SETBP1: variants seen among roughly 807,000 people sequenced by gnomAD.
SETBP1 encodes SET-binding protein.
SETBP1 carries 9 observed loss-of-function variants against 101.0 expected under a neutral mutation model. The observed-to-expected ratio is 0.09, with a 90% CI of 0.05 to 0.16. The LOEUF (loss-of-function observed/expected upper bound fraction) is 0.16. Ranked by LOEUF, SETBP1 falls within the 10% of genes least tolerant of loss-of-function variation. The pLI is 1.00. For missense variants in SETBP1, 1,858 were observed against 2,033.8 expected, an observed-to-expected ratio of 0.91 and a Z score of 1.66; for synonymous variants, 818 against 788.5, an observed-to-expected ratio of 1.04 and a Z score of -0.63.
At chr18:44,998,343 T>A (rs1462390514) in intron 4 of SETBP1, among the ~76,000 whole-genome samples, 2 of 152,228 alleles carry the variant, frequency 1.3e-5, no homozygotes, top group Non-Finnish European at 2.9e-5. Context: ...GCCCCATACT[T>A]GACTCTGTGG....
chr18:44,912,316 T>C (rs1471524490), intron 3 of SETBP1, among the ~76,000 whole-genome samples: 1 of 152,206 alleles, frequency 6.6e-6, no homozygotes, highest in Non-Finnish European at 1.5e-5. Context: ...CTCCTAGAAC[T>C]TGTAGCAATA....
At chr18:44,884,754 G>A (rs527463613) in intron 3 of SETBP1, among the ~76,000 whole-genome samples, 1 of 152,212 alleles carries the variant, frequency 6.6e-6, no homozygotes, top group African/African-American at 2.4e-5. Context: ...TATTCTACTG[G>A]ACCCTGCTGG....
At chr18:44,682,752 T>C in intron 1 of SETBP1, among the ~76,000 whole-genome samples, 1 of 152,190 alleles carries the variant, frequency 6.6e-6, no homozygotes, top group Non-Finnish European at 1.5e-5. Context: ...GGAGACCAGG[T>C]ACCCAGAGTG....
Position 44,949,805 on chromosome 18 carries a change from T to G in SETBP1, c.541-76T>G, listed in dbSNP as rs1014848658. 7 of 1,173,740 alleles carry G rather than the reference T, an allele frequency of 6.0e-6. No individual in the cohort carries two copies. The African/African-American group carries it at 1.1e-4, about 18-fold the overall frequency. 72.7% of individuals were successfully genotyped at this position (1,173,740 alleles called of 1,614,324 possible). A position where few individuals can be genotyped will look rare whatever the true frequency, so the allele number is the denominator to read the frequency against. On this transcript the variant is annotated intron_variant, in intron 3 of 5. Coordinates refer to ENST00000649279, the MANE Select transcript of SETBP1 (RefSeq NM_015559.3). The stretch of plus-strand genomic sequence containing the variant: ...GATCATTGAGACTTTTGATGTCAAA[T>G]ATTAAGTAGCTTCAACATGCTCATC...
chr18:44,952,981 A>G lies in SETBP1; in HGVS notation c.3641A>G (p.His1214Arg), dbSNP rs1277828860. Residue 1214 changes from histidine to arginine, a missense_variant, in exon 4 of 6, where the codon CAC becomes CGC. Physicochemically the swap from His to Arg is conservative, Grantham distance 29. This residue lies in a region of SETBP1 where 417 missense variants were observed against 389.1 expected (regional missense o/e 1.07). Coordinates refer to ENST00000649279, the MANE Select transcript of SETBP1 (RefSeq NM_015559.3). The part of the protein sequence containing the change: ...NKHKEKQKHQ[H>R]SEAGHKASKN... ...CATAAGGAGAAACAGAAGCACCAGC[A>G]CAGCGAAGCCGGCCACAAAGCTTCT... 18 of 1,614,192 alleles carry G rather than the reference A, an allele frequency of 1.1e-5. No individual in the cohort carries two copies. Among genetic ancestry groups the G allele is most frequent in the Non-Finnish European group, 1.5e-5 (18 of 1,180,022 alleles).
intron 4 of SETBP1, among the ~76,000 whole-genome samples, chr18:45,018,289 G>T (rs2072990894): frequency 6.6e-6 from 1 of 152,148 alleles, no homozygotes; most frequent in Admixed American, 6.5e-5. Context: ...TTATAGACTT[G>T]TAAAACATTC....
chr18:44,701,694 C>A lies in SETBP1; in HGVS notation c.348C>A (p.Pro116=). ...KIQTTKRAKK[P]PKNLENYICP... is the part of the protein sequence containing the mutation. ...AGACCACAAAGCGGGCTAAGAAACC[C>A]CCAAAGAATTTGGAGAACTATATAT... is the stretch of plus-strand genomic sequence containing the variant. The change falls in exon 2 of 6, where the codon CCC becomes CCA. Residue 116 remains proline, a synonymous_variant. Coordinates refer to ENST00000649279, the MANE Select transcript of SETBP1 (RefSeq NM_015559.3). 1 of 1,614,108 alleles carries A rather than the reference C, an allele frequency of 6.2e-7. No individual in the cohort carries two copies. The highest frequency in any genetic ancestry group is 8.5e-7 in the Non-Finnish European group (1 of 1,180,020).
At chr18:45,045,297 C>A (rs1354677208) in intron 5 of SETBP1, among the ~76,000 whole-genome samples, 1 of 152,092 alleles carries the variant, frequency 6.6e-6, no homozygotes, top group Non-Finnish European at 1.5e-5. Context: ...TGGCGGGCAC[C>A]TATAATACCA....
intron 2 of SETBP1, among the ~76,000 whole-genome samples, chr18:44,819,382 A>G (rs771093888): frequency 3.7e-4 from 57 of 152,136 alleles, no homozygotes; most frequent in Admixed American, 1.4e-3. Flanking sequence ...CTCCCTCTGT[A>G]TATCACTGGA....
intron 3 of SETBP1, among the ~76,000 whole-genome samples, chr18:44,922,147 G>T (rs1313227050): frequency 1.1e-4 from 17 of 152,292 alleles, no homozygotes; most frequent in Non-Finnish European, 1.5e-5. Flanking sequence ...TATTCTCCAA[G>T]TGCTTATAGA....
At chr18:44,712,775 T>G (rs895465397) in intron 2 of SETBP1, among the ~76,000 whole-genome samples, 25 of 151,976 alleles carry the variant, frequency 1.6e-4, no homozygotes, top group African/African-American at 5.6e-4. Flanking sequence ...AATGAGAAGT[T>G]GAATTCATTG....
intron 4 of SETBP1, among the ~76,000 whole-genome samples, chr18:45,016,030 C>T (rs1398717655): frequency 6.6e-6 from 1 of 152,122 alleles, no homozygotes; most frequent in Non-Finnish European, 1.5e-5. Flanking sequence ...CCTTCCTAAA[C>T]AGACAATCCA....
In SETBP1 at chr18:44,971,444, T is replaced by A. The variant is rs1412445141; in HGVS notation, c.4000+18104T>A. Among the ~76,000 whole-genome samples the A allele has an allele frequency of 2.0e-5, 3 of 152,194 alleles. No homozygotes were observed. In the East Asian group the frequency reaches 5.8e-4, roughly 29 times the overall value. Reference sequence around the variant, plus strand: ...TTTCTAGTTCTAGATCCCTGAGGAATCGCCACACCGACTTCCACAATGGTT... The same window carrying A: ...TTTCTAGTTCTAGATCCCTGAGGAAACGCCACACCGACTTCCACAATGGTT... On this transcript the variant is annotated intron_variant, in intron 4 of 5. Coordinates refer to ENST00000649279, the MANE Select transcript of SETBP1 (RefSeq NM_015559.3).
At chr18:44,915,910 T>C (rs770669585) in intron 3 of SETBP1, among the ~76,000 whole-genome samples, 3 of 152,142 alleles carry the variant, frequency 2.0e-5, no homozygotes, top group Non-Finnish European at 4.4e-5. Context: ...AAGCTCCAAA[T>C]CTAAGACTAG....
chr18:44,787,619 C>T (rs2071265639), intron 2 of SETBP1, among the ~76,000 whole-genome samples: 1 of 150,998 alleles, frequency 6.6e-6, no homozygotes, highest in Admixed American at 6.6e-5. Flanking sequence ...CTTTGGGAGG[C>T]CGAGGCGGGT....
In SETBP1 at chr18:44,908,294, C is replaced by T. The variant is rs142952324; in HGVS notation, c.540+39011C>T. 6.0e-3 allele frequency among the ~76,000 whole-genome samples: 915 copies of T among 152,048 alleles called. 7 individuals are homozygous for T. Among genetic ancestry groups the T allele is most frequent in the African/African-American group, 0.021 (851 of 41,486 alleles). On this transcript the variant is annotated intron_variant, in intron 3 of 5. Transcript: ENST00000649279. Reference sequence around the variant, plus strand: ...CAGGCTGGTCTTGAACTCCTCACGTCGCCACCTCGGCCTCCCAAAGTGCTG... The same window carrying T: ...CAGGCTGGTCTTGAACTCCTCACGTTGCCACCTCGGCCTCCCAAAGTGCTG...
At chr18:44,689,777 G>A (rs2068899086) in intron 1 of SETBP1, among the ~76,000 whole-genome samples, 1 of 152,314 alleles carries the variant, frequency 6.6e-6, no homozygotes, top group Non-Finnish European at 1.5e-5. Flanking sequence ...ATCCATTTGG[G>A]AATGTAGAGG....
intron 4 of SETBP1, among the ~76,000 whole-genome samples, chr18:44,958,032 C>T (rs2071529563): frequency 6.6e-6 from 1 of 152,218 alleles, no homozygotes; most frequent in African/African-American, 2.4e-5. Flanking sequence ...ATCTCTCACA[C>T]TAACCAGCTG....
At chr18:44,714,575 G>C (rs1308453324) in intron 2 of SETBP1, among the ~76,000 whole-genome samples, 1 of 151,796 alleles carries the variant, frequency 6.6e-6, no homozygotes, top group Non-Finnish European at 1.5e-5. Flanking sequence ...TTGGTAGTTA[G>C]AAACATCTGA....
Sources: gnomAD v4.1 joint callset for allele counts (sites outside exome capture counted in the v4.1 genomes callset) on GRCh38, gnomAD v4.1.1 for gene constraint, gnomAD v4.1.1 regional missense constraint, MANE v1.5 for transcripts, NCBI Gene and HGNC (gene_info 2026-07-23, HGNC 2026-07-21) for gene names.